Variants in PCNX2 observed in about 807,000 individuals in gnomAD.
The protein encoded by PCNX2 is pecanex-like protein 2.
A neutral mutation model predicts 223.8 loss-of-function variants in PCNX2; 168 were observed. The ratio of observed to expected loss-of-function variants is 0.75; its 90% CI spans 0.66 to 0.85. The LOEUF (loss-of-function observed/expected upper bound fraction) is 0.85. Among genes scored for constraint, PCNX2 ranks in the 40% least tolerant of loss-of-function variants. PCNX2 has a pLI of 0.00. For synonymous variants in PCNX2, 1,006 were observed against 1,052.6 expected (o/e 0.96, Z 0.86); for missense variants, 2,507 against 2,675.5 (o/e 0.94, Z 1.39).
rs1043467837 is a variant in PCNX2 at position 233,126,967 on chromosome 1, G to A, written c.3837+8046C>T. On this transcript the variant is annotated intron_variant, in intron 21 of 33. Transcript: ENST00000258229. This position sits in a 1 kb window ranked among gnomAD's most constrained non-coding sequence, Gnocchi z 4.8. ...CCCCGTATCTATCTGATCACTAAACGTAATCAATTCTCTCTCAAACGCCTC... is the reference window on the plus strand; with the variant it reads ...CCCCGTATCTATCTGATCACTAAACATAATCAATTCTCTCTCAAACGCCTC... Among the ~76,000 whole-genome samples, 16 of 151,978 alleles carry A rather than the reference G, an allele frequency of 1.1e-4. No individual in the cohort carries two copies. Among genetic ancestry groups the A allele is most frequent in the Admixed American group, 3.9e-4 (6 of 15,248 alleles).
intron 23 of PCNX2, among the ~76,000 whole-genome samples, chr1:233,060,287 C>T (rs910724476): frequency 6.6e-6 from 1 of 152,158 alleles, no homozygotes; most frequent in Non-Finnish European, 1.5e-5. Context: ...TTAATTTCAC[C>T]TTAAGACCTA....
At chr1:233,021,187 A>G (rs1199540005) in intron 26 of PCNX2, among the ~76,000 whole-genome samples, 1 of 152,108 alleles carries the variant, frequency 6.6e-6, no homozygotes, top group Non-Finnish European at 1.5e-5. Flanking sequence ...TGAGTGCTGT[A>G]TTTGGAGGCA....
At chr1:233,194,939 C>T (rs1437785803) in intron 15 of PCNX2, among the ~76,000 whole-genome samples, 2 of 151,250 alleles carry the variant, frequency 1.3e-5, no homozygotes, top group Non-Finnish European at 2.9e-5. Context: ...ATGGCGTGAA[C>T]CCAGGAGGTG....
intron 1 of PCNX2, among the ~76,000 whole-genome samples, chr1:233,281,884 A>G (rs988341830): frequency 3.3e-5 from 5 of 152,160 alleles, no homozygotes; most frequent in African/African-American, 1.2e-4. Context: ...TGTATAAAGC[A>G]CCATTCCAAG....
chr1:233,098,401 T>C (rs10489575), intron 21 of PCNX2, among the ~76,000 whole-genome samples: 22,674 of 152,184 alleles, frequency 0.15, 1,776 homozygotes, highest in African/African-American at 0.17. Context: ...TATTTACACA[T>C]AAGAAAAACC....
In PCNX2 at chr1:233,181,450, G is replaced by A. The variant is rs150141687; in HGVS notation, c.3067-2275C>T. Among the ~76,000 whole-genome samples, 619 of 152,058 alleles carry A rather than the reference G, an allele frequency of 4.1e-3. 2 individuals carry two copies. The highest frequency in any genetic ancestry group is 0.014 in the African/African-American group (572 of 41,476). ...TGACCTCAGGTGATCTGCCTGCCTC[G>A]GCCTCGCAAAGTGCTGGGATTAAAG... is the stretch of plus-strand genomic sequence containing the variant. On this transcript the variant is annotated intron_variant, in intron 15 of 33. Transcript: ENST00000258229.
intron 20 of PCNX2, among the ~76,000 whole-genome samples, chr1:233,137,848 A>T (rs12048370): frequency 0.22 from 32,926 of 152,096 alleles, 4,457 homozygotes; most frequent in Admixed American, 0.36. Context: ...TTGGTTGTTC[A>T]TGCATTCATC....
intron 26 of PCNX2, among the ~76,000 whole-genome samples, chr1:233,018,036 T>C (rs1177606027): frequency 6.6e-6 from 1 of 152,196 alleles, no homozygotes; most frequent in Non-Finnish European, 1.5e-5. Flanking sequence ...TGTTTGTTTT[T>C]TGAGACAGCA....
At chr1:233,155,145 A>C (rs1678044197) in intron 19 of PCNX2, among the ~76,000 whole-genome samples, 1 of 151,790 alleles carries the variant, frequency 6.6e-6, no homozygotes, top group South Asian at 2.1e-4. Flanking sequence ...GTGGCTATTC[A>C]ATAGGCACTA....
At chr1:233,239,218 CA>C (rs1658610001) in intron 8 of PCNX2, among the ~76,000 whole-genome samples, 1 of 151,986 alleles carries the variant, frequency 6.6e-6, no homozygotes, top group Admixed American at 6.6e-5. Flanking sequence ...CGCTTCTGTG[CA>C]AAAAAGTAGA....
intron 19 of PCNX2, among the ~76,000 whole-genome samples, chr1:233,154,983 T>A (rs532548172): frequency 6.7e-6 from 1 of 149,402 alleles, no homozygotes. Context: ...GCATGAGAAT[T>A]GCTTGAACCC....
At chr1:233,317,327 T>G in the PCNX2 span, among the ~76,000 whole-genome samples, 1 of 152,250 alleles carries the variant, frequency 6.6e-6, no homozygotes, top group African/African-American at 2.4e-5. Flanking sequence ...GGCAGGAGAA[T>G]TGCTTGAACC....
chr1:233,228,936 A>G (rs1019730349), intron 9 of PCNX2, among the ~76,000 whole-genome samples: 1 of 152,262 alleles, frequency 6.6e-6, no homozygotes, highest in Non-Finnish European at 1.5e-5. Context: ...AATATAAGAC[A>G]CAGGAGATTA....
At chr1:233,015,457 G>A (rs566814331) in intron 27 of PCNX2, among the ~76,000 whole-genome samples, 1 of 152,278 alleles carries the variant, frequency 6.6e-6, no homozygotes, top group East Asian at 1.9e-4. Flanking sequence ...TGAGCACTTT[G>A]GGAGGCCGAG....
chr1:233,264,512 A>G (rs1660230068), intron 1 of PCNX2, among the ~76,000 whole-genome samples: 1 of 150,752 alleles, frequency 6.6e-6, no homozygotes. Flanking sequence ...GGAATAGCCA[A>G]ACAGAGCACA....
At chr1:233,097,156 G>C (rs538376280) in intron 21 of PCNX2, among the ~76,000 whole-genome samples, 58 of 152,252 alleles carry the variant, frequency 3.8e-4, no homozygotes, top group Non-Finnish European at 7.8e-4. Flanking sequence ...CAGGCATCTG[G>C]TTATGCATAG....
chr1:233,161,990 A>T (rs1678514953), intron 17 of PCNX2, among the ~76,000 whole-genome samples: 2 of 148,386 alleles, frequency 1.3e-5, no homozygotes, highest in African/African-American at 4.9e-5. Context: ...ATATACATAT[A>T]TTTATATATA....
intron 9 of PCNX2, among the ~76,000 whole-genome samples, chr1:233,230,695 T>C (rs1462249268): frequency 6.6e-6 from 1 of 152,188 alleles, no homozygotes; most frequent in South Asian, 2.1e-4. Context: ...ACTTAGGTTC[T>C]TTTTAAAAAA....
At chr1:232,992,602 T>A (rs1159054076) in intron 32 of PCNX2, among the ~76,000 whole-genome samples, 1 of 152,152 alleles carries the variant, frequency 6.6e-6, no homozygotes, top group Non-Finnish European at 1.5e-5. Flanking sequence ...AGATCACAAG[T>A]TCTGGGGCCA....
Sources: gnomAD v4.1 joint callset for allele counts (sites outside exome capture counted in the v4.1 genomes callset) on GRCh38, gnomAD v4.1.1 for gene constraint, Gnocchi (gnomAD v3.1) non-coding constraint, MANE v1.5 for transcripts, NCBI Gene and HGNC (gene_info 2026-07-23, HGNC 2026-07-21) for gene names.